Variants in GPNMB observed in about 807,000 individuals in gnomAD.
GPNMB encodes glycoprotein nmb.
GPNMB carries 71 observed loss-of-function variants against 57.3 expected under a neutral mutation model. The ratio of observed to expected loss-of-function variants is 1.24; its 90% confidence interval spans 1.02 to 1.51. The LOEUF (loss-of-function observed/expected upper bound fraction) is 1.51, where lower values mean the gene tolerates loss of function less well. Among genes scored for constraint, GPNMB ranks in the 40% most tolerant of loss-of-function variants. GPNMB has a pLI of 0.00. For missense variants in GPNMB, 677 were observed against 691.9 expected (o/e 0.98, Z 0.24); for synonymous variants, 253 against 263.2 (o/e 0.96, Z 0.38).
intron 8 of GPNMB, 50 bp downstream of exon 8, chr7:23,268,038 C>G (rs1382515475): frequency 9.0e-7 from 1 of 1,112,282 alleles, no homozygotes; most frequent in East Asian, 2.4e-5. Flanking sequence ...CTGAGGACCT[C>G]AAGTCTGAAC....
intron 6 of GPNMB, 142 bp downstream of exon 6, chr7:23,260,915 A>T (rs1782907706): frequency 1.7e-6 from 1 of 601,820 alleles, no homozygotes; most frequent in Non-Finnish European, 2.7e-6. Flanking sequence ...GATTTTTTAA[A>T]GCAAAGTTAT....
At chr7:23,249,716 G>A (rs1028448362) in intron 1 of GPNMB, among the ~76,000 whole-genome samples, 1 of 152,142 alleles carries the variant, frequency 6.6e-6, no homozygotes, top group Admixed American at 6.5e-5. Flanking sequence ...CCCATTAAAG[G>A]ACATCTGGGT....
Position 23,260,623 on chromosome 7 carries a change from G to A in GPNMB, c.868G>A (p.Gly290Ser), listed in dbSNP as rs1048319728. ...CAAGTGGAGCTTCGGGGATAATACTGGCCTGTTTGTTTCCACCAATCATAC... is the reference window on the plus strand; with the variant it reads ...CAAGTGGAGCTTCGGGGATAATACTAGCCTGTTTGTTTCCACCAATCATAC... ...NYKWSFGDNT[G>S]LFVSTNHTVN... is the part of the protein sequence containing the mutation. The change falls in exon 6 of 11, where the codon GGC (glycine) becomes AGC (serine). Residue 290 changes from glycine (G) to serine (S), a missense_variant. Physicochemically the swap from Gly to Ser is moderately conservative, Grantham distance 56 (BLOSUM62 0). Coordinates refer to ENST00000258733, the MANE Select transcript of GPNMB (RefSeq NM_002510.3). 8.7e-6 allele frequency: 14 copies of A among 1,613,820 alleles called. No individual in the cohort carries two copies. Among genetic ancestry groups the A allele is most frequent in the Non-Finnish European group, 1.2e-5 (14 of 1,179,922 alleles).
intron 2 of GPNMB, 28 bp downstream of exon 2, chr7:23,253,487 C>T (rs757911496): frequency 1.3e-6 from 2 of 1,588,828 alleles, no homozygotes; most frequent in South Asian, 1.1e-5. Context: ...AACCAAACAC[C>T]TGCAATTTCC....
At chr7:23,270,955 G>T (rs1783189125) in intron 9 of GPNMB, among the ~76,000 whole-genome samples, 1 of 152,202 alleles carries the variant, frequency 6.6e-6, no homozygotes, top group African/African-American at 2.4e-5. Context: ...TACGTGGTAG[G>T]ATGAAAGGGA....
chr7:23,266,674 ACTCT>A, intron 7 of GPNMB, 59 bp downstream of exon 7: 2 of 1,513,404 alleles, frequency 1.3e-6, no homozygotes, highest in Non-Finnish European at 1.8e-6. Context: ...AGGGTCACCC[ACTCT>A]CTCTGCTAAC....
Position 23,274,413 on chromosome 7 carries a change from C to T in GPNMB, c.*189C>T. 2.0e-6 allele frequency: 1 copy of T among 502,108 alleles called. No homozygotes were observed. The highest frequency in any genetic ancestry group is 3.0e-5 in the South Asian group (1 of 32,916). 31.1% of individuals were successfully genotyped at this position (502,108 alleles called of 1,614,324 possible). On this transcript the variant is annotated 3_prime_UTR_variant, in exon 11 of 11. Coordinates refer to ENST00000258733, the MANE Select transcript of GPNMB (RefSeq NM_002510.3). ...GGATTATACTGCAGGCAGCTTCAGCCATGTTGTGAAACTGATAAAAGCAAC... is the reference window on the plus strand; with the variant it reads ...GGATTATACTGCAGGCAGCTTCAGCTATGTTGTGAAACTGATAAAAGCAAC...
At chr7:23,268,987 T>C (rs888909346) in intron 8 of GPNMB, among the ~76,000 whole-genome samples, 1 of 152,192 alleles carries the variant, frequency 6.6e-6, no homozygotes, top group Non-Finnish European at 1.5e-5. Flanking sequence ...ACCTCTTCTG[T>C]TCAAGTCCCA....
chr7:23,246,916 AT>A lies in GPNMB; in HGVS notation c.60del (p.Asp20GlufsTer19), dbSNP rs1338015689. On this transcript the variant is annotated frameshift_variant, in exon 1 of 11. Coordinates refer to ENST00000258733, the MANE Select transcript of GPNMB (RefSeq NM_002510.3). LOFTEE classifies it high-confidence loss of function. ...FLLLAARLPLDAAKRFHDVLG... is the reference protein window; with the variant it reads ...FLLLAARLPLXAAKRFHDVLG... ...CTCCTGGCTGCAAGATTGCCACTTG[AT>A]GCCGCCAAACGTGAGTAACCCTTAA... 7 of 1,612,106 alleles carry A rather than the reference AT, an allele frequency of 4.3e-6. No individual in the cohort carries two copies. Among genetic ancestry groups the A allele is most frequent in the Non-Finnish European group, 5.1e-6 (6 of 1,178,270 alleles).
In GPNMB at chr7:23,267,873, G is replaced by C; in HGVS notation, c.1118-13G>C. The stretch of plus-strand genomic sequence containing the variant: ...TATTTTGATGTGTTTTTCTCTGGGG[G>C]TTATTTTGTTAGAGGGAATCTTAGA... On this transcript the variant is annotated splice_polypyrimidine_tract_variant and intron_variant, in intron 7 of 10. Coordinates refer to ENST00000258733, the MANE Select transcript of GPNMB (RefSeq NM_002510.3). 6.6e-7 allele frequency: 1 copy of C among 1,520,196 alleles called. No individual in the cohort carries two copies. The highest frequency in any genetic ancestry group is 1.1e-5 in the South Asian group (1 of 89,060). The allele number at this position is 1,520,196 out of a possible 1,614,324, so 94.2% of individuals were successfully genotyped here. A position where few individuals can be genotyped will look rare whatever the true frequency, so the allele number is the denominator to read the frequency against.
At chr7:23,253,248 TA>T in intron 1 of GPNMB, 58 bp from the exon 2 acceptor site, 3 of 1,460,068 alleles carry the variant, frequency 2.1e-6, no homozygotes, top group Non-Finnish European at 2.8e-6. Flanking sequence ...AAAGTTTCTT[TA>T]ACCACTGTGA....
chr7:23,269,074 A>G (rs1025253070), intron 8 of GPNMB, among the ~76,000 whole-genome samples: 1 of 152,068 alleles, frequency 6.6e-6, no homozygotes, highest in Non-Finnish European at 1.5e-5. Flanking sequence ...AACTGGGGTA[A>G]TGTTACTTTC....
At chr7:23,266,855 G>A (rs1383452599) in intron 7 of GPNMB, among the ~76,000 whole-genome samples, 1 of 152,230 alleles carries the variant, frequency 6.6e-6, no homozygotes, top group Non-Finnish European at 1.5e-5. Context: ...GCATGCTAAT[G>A]AGCCTGCCCT....
At chr7:23,261,875 T>G (rs575965545) in intron 6 of GPNMB, among the ~76,000 whole-genome samples, 107 of 152,170 alleles carry the variant, frequency 7.0e-4, no homozygotes, top group Non-Finnish European at 1.4e-3. Flanking sequence ...CTGGGGACAT[T>G]CAAGAAGTCC....
intron 6 of GPNMB, 58 bp downstream of exon 6, chr7:23,260,831 G>A (rs199350): frequency 1.3e-5 from 17 of 1,277,628 alleles, no homozygotes; most frequent in Admixed American, 2.4e-5. Flanking sequence ...AAATATTCAC[G>A]CAGGTCATAT....
At chr7:23,264,156 A>G (rs1783001128) in intron 6 of GPNMB, among the ~76,000 whole-genome samples, 1 of 151,762 alleles carries the variant, frequency 6.6e-6, no homozygotes, top group African/African-American at 2.4e-5. Flanking sequence ...CTCTCTCTAT[A>G]TATAAAATAA....
rs146559546 is a variant in GPNMB, at chr7:23,273,598, T to C, written c.1507T>C (p.Ser503Pro). ...CTTGGCCATATTTGTCACTGTGATCTCCCTCTTGGTGTACAAGTAAGTTTT... is the reference window on the plus strand; with the variant it reads ...CTTGGCCATATTTGTCACTGTGATCCCCCTCTTGGTGTACAAGTAAGTTTT... The part of the protein sequence containing the change: ...GCLAIFVTVI[S>P]LLVYKKHKEY... The change falls in exon 10 of 11, where the codon TCC becomes CCC. Residue 503 changes from serine to proline, a missense_variant. Coordinates refer to ENST00000258733, the MANE Select transcript of GPNMB (RefSeq NM_002510.3). 163 of 1,609,132 alleles carry C rather than the reference T, an allele frequency of 1.0e-4. No individual in the cohort carries two copies. The highest frequency in any genetic ancestry group is 1.3e-4 in the Non-Finnish European group (156 of 1,175,374).
intron 5 of GPNMB, 36 bp from the exon 6 acceptor site, chr7:23,260,420 T>C (rs1251271187): frequency 4.0e-6 from 6 of 1,486,458 alleles, no homozygotes; most frequent in Non-Finnish European, 5.6e-6. Context: ...CAAGCAATCA[T>C]GCATTCTTTA....
intron 8 of GPNMB, 24 bp downstream of exon 8, chr7:23,268,012 G>T: frequency 1.4e-6 from 2 of 1,386,412 alleles, no homozygotes. Flanking sequence ...CTCCGACAGA[G>T]GCATGGGTGG....
Sources: allele counts gnomAD v4.1 joint callset (sites outside exome capture counted in the v4.1 genomes callset), GRCh38; gene constraint gnomAD v4.1.1; transcripts MANE v1.5; gene names NCBI Gene and HGNC (gene_info 2026-07-23, HGNC 2026-07-21).